FNDC3B: variants seen among roughly 807,000 people sequenced by gnomAD.
FNDC3B encodes fibronectin type III domain-containing protein 3B.
In FNDC3B, 12 loss-of-function variants were observed where a neutral mutation model predicts 151.5. The ratio of observed to expected loss-of-function variants is 0.08; its 90% CI spans 0.05 to 0.13. The LOEUF (loss-of-function observed/expected upper bound fraction) is 0.13, where lower values mean the gene tolerates loss of function less well. Among genes scored for constraint, FNDC3B ranks in the 10% least tolerant of loss-of-function variants. FNDC3B has a pLI of 1.00. For synonymous variants in FNDC3B, 528 were observed against 549.0 expected, an observed-to-expected ratio of 0.96 and a Z score of 0.54; for missense variants, 1,214 against 1,505.3, an observed-to-expected ratio of 0.81 and a Z score of 3.20.
At chr3:172,307,241 C>T (rs1731243233) in intron 9 of FNDC3B, 122 bp from the exon 10 acceptor site, 2 of 981,052 alleles carry the variant, frequency 2.0e-6, no homozygotes, top group African/African-American at 3.2e-5. Context: ...AGAGCAAGAG[C>T]ATGATACTCA....
intron 3 of FNDC3B, among the ~76,000 whole-genome samples, chr3:172,188,519 C>T (rs1456413328): frequency 6.6e-6 from 1 of 152,040 alleles, no homozygotes; most frequent in Non-Finnish European, 1.5e-5. Context: ...AATTCTCCTG[C>T]CTCAGCCTCC....
rs141508602 is a variant in FNDC3B, at chr3:172,162,744, G to A, written c.187+29198G>A. On this transcript the variant is annotated intron_variant, in intron 3 of 25. Transcript: ENST00000415807. ...GTTGATGTTTTTCCTGCCAGGGATC[G>A]GCATTCACATACTTAAGGAAGTAGG... is the stretch of plus-strand genomic sequence containing the variant. Among the ~76,000 whole-genome samples the A allele has an allele frequency of 5.4e-4, 81 of 151,232 alleles. 1 individual carries two copies. The East Asian group carries it at 0.014, about 25-fold the overall frequency.
chr3:172,098,636 T>C lies in FNDC3B; in HGVS notation c.-28-13816T>C, dbSNP rs993498436. On this transcript the variant is annotated intron_variant, in intron 1 of 25. Coordinates refer to ENST00000415807, the MANE Select transcript of FNDC3B (RefSeq NM_022763.4). ...CCAGAATATTTGAGAAAAACAATTATGGCTTAGTATTTTTTTTTTAAAGAA... is the reference window on the plus strand; with the variant it reads ...CCAGAATATTTGAGAAAAACAATTACGGCTTAGTATTTTTTTTTTAAAGAA... Among the ~76,000 whole-genome samples the C allele has an allele frequency of 4.6e-5, 7 of 152,214 alleles. No homozygotes were observed. In the South Asian group the frequency reaches 1.4e-3, roughly 31 times the overall value.
intron 1 of FNDC3B, among the ~76,000 whole-genome samples, chr3:172,075,335 T>C (rs575820122): frequency 5.3e-5 from 8 of 152,212 alleles, no homozygotes; most frequent in Non-Finnish European, 1.2e-4. Flanking sequence ...CATGATATTC[T>C]AGTCCTGGTT....
chr3:172,358,981 G>C (rs972177845), intron 22 of FNDC3B, among the ~76,000 whole-genome samples: 7 of 139,590 alleles, frequency 5.0e-5, no homozygotes, highest in African/African-American at 8.0e-5. Context: ...GGTGGTGGTG[G>C]TGGTGGTGGT....
At chr3:172,210,178 C>T (rs1725659755) in intron 3 of FNDC3B, among the ~76,000 whole-genome samples, 1 of 152,186 alleles carries the variant, frequency 6.6e-6, no homozygotes, top group African/African-American at 2.4e-5. Context: ...CCGGGATCAC[C>T]TGTTCCCAGC....
intron 1 of FNDC3B, among the ~76,000 whole-genome samples, chr3:172,081,265 C>G (rs1415317272): frequency 6.6e-6 from 1 of 152,130 alleles, no homozygotes; most frequent in Non-Finnish European, 1.5e-5. Context: ...GTAATCATCA[C>G]TGTTTTCTCC....
At chr3:172,124,806 G>A (rs1471842329) in intron 2 of FNDC3B, among the ~76,000 whole-genome samples, 4 of 152,188 alleles carry the variant, frequency 2.6e-5, no homozygotes, top group African/African-American at 7.2e-5. Context: ...TCTTCCTGCC[G>A]AGGTGGAGGG....
chr3:172,074,520 G>A (rs781453362), intron 1 of FNDC3B, among the ~76,000 whole-genome samples: 1 of 152,204 alleles, frequency 6.6e-6, no homozygotes, highest in Non-Finnish European at 1.5e-5. Flanking sequence ...CATGTCAGCA[G>A]CTTGTCCTAG....
chr3:172,333,264 TA>T, intron 14 of FNDC3B, 89 bp downstream of exon 14: 1 of 861,520 alleles, frequency 1.2e-6, no homozygotes, highest in Non-Finnish European at 2.0e-6. Flanking sequence ...CTCTACAGGT[TA>T]AAAAATGAAG....
chr3:172,258,304 T>A (rs1728469584), intron 6 of FNDC3B, among the ~76,000 whole-genome samples: 1 of 152,316 alleles, frequency 6.6e-6, no homozygotes, highest in Non-Finnish European at 1.5e-5. Context: ...ATGAGGGCAT[T>A]ATTCTTGTGC....
chr3:172,263,474 T>G (rs1728757333), intron 6 of FNDC3B, among the ~76,000 whole-genome samples: 1 of 152,100 alleles, frequency 6.6e-6, no homozygotes, highest in Non-Finnish European at 1.5e-5. Flanking sequence ...TGTTGGAATG[T>G]TGCTCCAAGG....
chr3:172,333,093 A>G lies in FNDC3B; in HGVS notation c.1559A>G (p.Asn520Ser). ...TTCCTGGCTTTGCCTTTTCAGGATA[A>G]CCTTTTCCACCCAAAATACACTGGA... is the stretch of plus-strand genomic sequence containing the variant. ...TLEIQEDEND[N>S]LFHPKYTGED... Residue 520 changes from asparagine (N) to serine (S), a missense_variant, in exon 14 of 26, where the codon AAC becomes AGC. This residue lies in a region of FNDC3B where 111 missense variants were observed against 96.8 expected (regional missense o/e 1.15). Coordinates refer to ENST00000415807, the MANE Select transcript of FNDC3B (RefSeq NM_022763.4). 1 of 1,609,664 alleles carries G rather than the reference A, an allele frequency of 6.2e-7. No homozygotes were observed. Among genetic ancestry groups the G allele is most frequent in the East Asian group, 2.2e-5 (1 of 44,852 alleles).
intron 3 of FNDC3B, among the ~76,000 whole-genome samples, chr3:172,174,837 T>C (rs1723472205): frequency 6.6e-6 from 1 of 151,288 alleles, no homozygotes; most frequent in South Asian, 2.1e-4. Flanking sequence ...GTAAATGAGG[T>C]GAAATCTTTT....
chr3:172,082,453 A>G (rs1340295021), intron 1 of FNDC3B, among the ~76,000 whole-genome samples: 1 of 152,192 alleles, frequency 6.6e-6, no homozygotes, highest in African/African-American at 2.4e-5. Flanking sequence ...AGCAAGCTAC[A>G]TTTCTAATTA....
intron 1 of FNDC3B, among the ~76,000 whole-genome samples, chr3:172,097,543 C>T (rs1719152321): frequency 6.6e-6 from 1 of 152,154 alleles, no homozygotes; most frequent in Non-Finnish European, 1.5e-5. Flanking sequence ...TATCATTATA[C>T]AAATTATAGA....
At chr3:172,179,251 G>GC (rs529653640) in intron 3 of FNDC3B, among the ~76,000 whole-genome samples, 43 of 6,388 alleles carry the variant, frequency 6.7e-3, no homozygotes, top group East Asian at 0.056. Context: ...TAGTAGAGAC[G>GC]GGTTTTCACC....
At chr3:172,241,001 A>G (rs572216892) in intron 4 of FNDC3B, among the ~76,000 whole-genome samples, 41 of 152,282 alleles carry the variant, frequency 2.7e-4, no homozygotes, top group African/African-American at 9.6e-4. Flanking sequence ...GATTTTTTGT[A>G]AACGTGTACT....
At chr3:172,187,717 C>T (rs2108663372) in intron 3 of FNDC3B, among the ~76,000 whole-genome samples, 1 of 152,186 alleles carries the variant, frequency 6.6e-6, no homozygotes, top group South Asian at 2.1e-4. Flanking sequence ...TGTGGTGGTG[C>T]CATCTCAGCT....
Sources: allele counts gnomAD v4.1 joint callset (sites outside exome capture counted in the v4.1 genomes callset), GRCh38; gene constraint gnomAD v4.1.1; regional missense constraint gnomAD v4.1.1; transcripts MANE v1.5; gene names NCBI Gene and HGNC (gene_info 2026-07-23, HGNC 2026-07-21).